Variants in ASB9 observed in about 807,000 individuals in gnomAD.
The protein encoded by ASB9 is ankyrin repeat and SOCS box containing 9.
ASB9 carries 5 observed loss-of-function variants against 16.6 expected under a neutral mutation model. The ratio of observed to expected loss-of-function variants is 0.30; its 90% CI spans 0.16 to 0.63. The LOEUF is 0.63. Ranked by LOEUF, ASB9 falls within the 30% of genes least tolerant of loss-of-function variation. The pLI is 0.82. For missense variants in ASB9, 216 were observed against 229.4 expected (o/e 0.94, Z 0.38); for synonymous variants, 100 against 86.4 (o/e 1.16, Z -0.87).
At chrX:15,261,664 AT>A (rs1925974231) in intron 1 of ASB9, among the ~76,000 whole-genome samples, 2 of 112,152 alleles carry the variant, frequency 1.8e-5, no homozygotes, top group Non-Finnish European at 3.8e-5. Flanking sequence ...CCTCTGCAGA[AT>A]GTAGTGTTTA....
At chrX:15,244,829 G>A (rs1924528494) in intron 6 of ASB9, among the ~76,000 whole-genome samples, 199 bp from the exon 7 acceptor site, 2 of 111,172 alleles carry the variant, frequency 1.8e-5, no homozygotes, top group Admixed American at 9.6e-5. Context: ...ATTGAAATAA[G>A]CTTGTTAGGT....
Position 15,244,477 on chromosome X carries a change from T to C in ASB9, c.*29A>G. 8.5e-7 allele frequency: 1 copy of C among 1,175,123 alleles called. No homozygotes were observed. Among genetic ancestry groups the C allele is most frequent in the Non-Finnish European group, 1.2e-6 (1 of 863,396 alleles). Reference sequence around the variant, plus strand: ...TACAACACTCAATAATGTTTTCACATCGTTTGTGAATCCATTCCCTAGATG... The same window carrying C: ...TACAACACTCAATAATGTTTTCACACCGTTTGTGAATCCATTCCCTAGATG... On this transcript the variant is annotated 3_prime_UTR_variant, in exon 7 of 7. Coordinates refer to ENST00000380488, the MANE Select transcript of ASB9 (RefSeq NM_001031739.3).
chrX:15,256,048 T>C (rs1382021144), intron 2 of ASB9, among the ~76,000 whole-genome samples: 9 of 111,516 alleles, frequency 8.1e-5, no homozygotes, highest in Non-Finnish European at 1.7e-4. Flanking sequence ...CAACAAACAG[T>C]AGCCTACAGA....
At chrX:15,252,723 C>A (rs1008530444) in intron 3 of ASB9, among the ~76,000 whole-genome samples, 3 of 112,338 alleles carry the variant, frequency 2.7e-5, no homozygotes, top group Non-Finnish European at 5.6e-5. Flanking sequence ...ACCCATCCCA[C>A]ACCAATTCAA....
chrX:15,268,148 G>A (rs181437442), intron 1 of ASB9, among the ~76,000 whole-genome samples: 2,617 of 108,955 alleles, frequency 0.024, 89 homozygotes, highest in African/African-American at 0.083. Context: ...CCTGGCCAAC[G>A]TGGTGAAACC....
Position 15,244,437 on chromosome X carries a change from TAA to T in ASB9, c.*67_*68del. ...AAACTCTATAAATCCAACTTGATTT[TAA>T]AATTCTAGTGGCTACAACACTCAAT... On this transcript the variant is annotated 3_prime_UTR_variant, in exon 7 of 7. Coordinates refer to ENST00000380488, the MANE Select transcript of ASB9 (RefSeq NM_001031739.3). The T allele has an allele frequency of 9.1e-7, 1 of 1,099,730 alleles. No homozygotes were observed. The highest frequency in any genetic ancestry group is 1.2e-6 in the Non-Finnish European group (1 of 806,246). The allele number at this position is 1,099,730 out of a possible 1,213,427, so 90.6% of individuals were successfully genotyped here.
chrX:15,269,630 T>C (rs1237290419), intron 1 of ASB9, 151 bp downstream of exon 1: 3 of 338,491 alleles, frequency 8.9e-6, no homozygotes, highest in Admixed American at 1.2e-4. Flanking sequence ...TGAACAGCTG[T>C]GTAAAGAATA....
chrX:15,268,177 C>T (rs1926686129), intron 1 of ASB9, among the ~76,000 whole-genome samples: 1 of 108,947 alleles, frequency 9.2e-6, no homozygotes, highest in African/African-American at 3.3e-5. Context: ...ACTAAAAATA[C>T]AAAAATTAGC....
chrX:15,254,541 T>C (rs1244544118), intron 3 of ASB9, among the ~76,000 whole-genome samples, 196 bp downstream of exon 3: 1 of 112,418 alleles, frequency 8.9e-6, no homozygotes, highest in East Asian at 2.8e-4. Context: ...ATATAGACTG[T>C]AAGCGTGACT....
intron 2 of ASB9, among the ~76,000 whole-genome samples, chrX:15,258,119 T>C (rs1925723006): frequency 8.9e-6 from 1 of 111,791 alleles, no homozygotes; most frequent in Non-Finnish European, 1.9e-5. Flanking sequence ...TATTGAGTTA[T>C]GGGGTGGACT....
At chrX:15,253,196 T>C (rs760998359) in intron 3 of ASB9, among the ~76,000 whole-genome samples, 2 of 110,566 alleles carry the variant, frequency 1.8e-5, no homozygotes, top group East Asian at 5.7e-4. Context: ...ATCACGCCAC[T>C]GCACTCCAGC....
In ASB9 at chrX:15,244,607, A is replaced by T. The variant is rs776824911; in HGVS notation, c.784T>A (p.Cys262Ser). 1.0e-5 allele frequency: 12 copies of T among 1,203,244 alleles called. No individual in the cohort carries two copies. In the South Asian group the frequency reaches 1.2e-4, roughly 12 times the overall value. The part of the protein sequence containing the change: ...REGPPSLMQL[C>S]RLRIRKCFGI... ...AAACACTTCCGAATTCTAAGGCGGC[A>T]TAACTGCATCAAAGAAGGGGGCCCT... is the stretch of plus-strand genomic sequence containing the variant. The change falls in exon 7 of 7, where the codon TGC (cysteine) becomes AGC (serine). Residue 262 changes from cysteine to serine, a missense_variant. Coordinates refer to ENST00000380488, the MANE Select transcript of ASB9 (RefSeq NM_001031739.3).
chrX:15,252,743 G>A (rs1261403139), intron 3 of ASB9, among the ~76,000 whole-genome samples: 1 of 112,032 alleles, frequency 8.9e-6, no homozygotes, highest in Non-Finnish European at 1.9e-5. Flanking sequence ...ATTTCTTAAC[G>A]GGTGCAAGAA....
rs76177108 is a variant in ASB9, at chrX:15,267,752, C to CAA, written c.94+2027_94+2028dup. Reference sequence around the variant, plus strand: ...GAGTGAAACTCCACTTCAAAAAAAACAAAAAAAAAAAAAAAAAAAGAAATT... The same window carrying CAA: ...GAGTGAAACTCCACTTCAAAAAAAACAAAAAAAAAAAAAAAAAAAAAGAAATT... On this transcript the variant is annotated intron_variant, in intron 1 of 6. Coordinates refer to ENST00000380488, the MANE Select transcript of ASB9 (RefSeq NM_001031739.3). 6.3e-4 allele frequency among the ~76,000 whole-genome samples: 53 copies of CAA among 83,615 alleles called. 1 individual carries two copies. The highest frequency in any genetic ancestry group is 2.1e-3 in the African/African-American group (47 of 22,819). 72.6% of individuals were successfully genotyped at this position (83,615 alleles called of 115,157 possible).
intron 1 of ASB9, among the ~76,000 whole-genome samples, chrX:15,259,763 CCACATCTGACATGTGATGGGTTGCAGT>C (rs772344415): frequency 3.6e-4 from 41 of 112,456 alleles, no homozygotes; most frequent in Non-Finnish European, 6.7e-4. Context: ...GTGGAAAATT[CCACATCTGACATGTGATGGGTTGCAGT>C]CAAAACGTTG....
chrX:15,267,445 T>TTTAA (rs374383059), intron 1 of ASB9, among the ~76,000 whole-genome samples: 8,092 of 48,211 alleles, frequency 0.17, no homozygotes, highest in East Asian at 0.29. Flanking sequence ...ATTATATATA[T>TTTAA]AATTCCTTGT....
intron 3 of ASB9, 23 bp from the exon 4 acceptor site, chrX:15,252,427 G>A: frequency 8.5e-7 from 1 of 1,181,985 alleles, no homozygotes; most frequent in Non-Finnish European, 1.1e-6. Context: ...GCTCCAGAAT[G>A]AAGACAGGAA....
intron 5 of ASB9, among the ~76,000 whole-genome samples, chrX:15,250,190 G>A (rs917838737): frequency 1.9e-5 from 2 of 104,492 alleles, no homozygotes; most frequent in Admixed American, 1.0e-4. Context: ...CTGAGAAGAG[G>A]CATCATCATC....
At chrX:15,247,294 A>G (rs1924748925) in intron 6 of ASB9, among the ~76,000 whole-genome samples, 1 of 112,058 alleles carries the variant, frequency 8.9e-6, no homozygotes, top group East Asian at 2.8e-4. Context: ...GACACCTCAT[A>G]AACTAGTGGG....
Sources: gnomAD v4.1 joint callset for allele counts (sites outside exome capture counted in the v4.1 genomes callset) on GRCh38, gnomAD v4.1.1 for gene constraint, MANE v1.5 for transcripts, NCBI Gene and HGNC (gene_info 2026-07-23, HGNC 2026-07-21) for gene names.